ATG14: variants seen among roughly 807,000 people sequenced by gnomAD.
ATG14 encodes beclin 1-associated autophagy-related key regulator.
In ATG14, 35 loss-of-function variants were observed where a neutral mutation model predicts 60.4. That is an observed-to-expected ratio of 0.58 (90% CI 0.44 to 0.77). The LOEUF is 0.77. Ranked by LOEUF, ATG14 falls within the 30% of genes least tolerant of loss-of-function variation. The pLI is 0.00. For synonymous variants in ATG14, 234 were observed against 228.8 expected (o/e 1.02, Z -0.21); for missense variants, 647 against 626.3 (o/e 1.03, Z -0.35).
intron 1 of ATG14, among the ~76,000 whole-genome samples, chr14:55,408,284 C>T (rs1172657677): frequency 6.6e-6 from 1 of 152,020 alleles, no homozygotes; most frequent in Non-Finnish European, 1.5e-5. Flanking sequence ...AAAACCCTGT[C>T]TTTACAAAAA....
intron 7 of ATG14, among the ~76,000 whole-genome samples, chr14:55,379,372 AC>A (rs1884985355): frequency 1.3e-5 from 2 of 151,662 alleles, no homozygotes. Context: ...CCTGTCTCAT[AC>A]AAAAAAATAC....
At position 55,369,914 on chromosome 14, in the gene ATG14, A is replaced by G. The variant is rs1462507222; in HGVS notation, c.1184T>C (p.Phe395Ser). ...SSEHLGRSGP[F>S]EVRADLEESM... is the part of the protein sequence containing the mutation. ...CTCCTCAAGGTCTGCTCGTACTTCA[A>G]AGGGCCCTGACCTGTGTGCAGACAA... The change falls in exon 10 of 10, where the codon TTT becomes TCT. Residue 395 changes from phenylalanine (F) to serine (S), a missense_variant. Phe to Ser is a radical substitution (Grantham distance 155, BLOSUM62 -2). Transcript: ENST00000247178. 6.2e-7 allele frequency: 1 copy of G among 1,610,422 alleles called. No homozygotes were observed. The highest frequency in any genetic ancestry group is 1.3e-5 in the African/African-American group (1 of 74,776).
chr14:55,373,257 G>T lies in ATG14; in HGVS notation c.1173-3332C>A, dbSNP rs73279100. On this transcript the variant is annotated intron_variant, in intron 9 of 9. Coordinates refer to ENST00000247178, the MANE Select transcript of ATG14 (RefSeq NM_014924.5). The stretch of plus-strand genomic sequence containing the variant: ...GAACCAGGAATACTCATTTTCTCAT[G>T]GTGCTGCAGGGAGGTATTCTACCAA... Among the ~76,000 whole-genome samples, 1,404 of 152,198 alleles carry T rather than the reference G, an allele frequency of 9.2e-3. 31 individuals carry two copies. Among genetic ancestry groups the T allele is most frequent in the African/African-American group, 0.033 (1,355 of 41,510 alleles).
intron 1 of ATG14, among the ~76,000 whole-genome samples, chr14:55,408,134 A>C (rs1218212346): frequency 1.3e-5 from 2 of 152,176 alleles, no homozygotes; most frequent in African/African-American, 4.8e-5. Flanking sequence ...TGCCATTTAC[A>C]AAATGAAATA....
intron 3 of ATG14, among the ~76,000 whole-genome samples, chr14:55,392,786 T>G (rs759419504): frequency 2.6e-5 from 4 of 152,058 alleles, no homozygotes; most frequent in Non-Finnish European, 5.9e-5. Flanking sequence ...CTAAGTAGTC[T>G]GATGGTAAGA....
intron 1 of ATG14, among the ~76,000 whole-genome samples, chr14:55,402,885 C>T (rs1885419236): frequency 1.5e-5 from 1 of 64,720 alleles, no homozygotes; most frequent in South Asian, 6.9e-4. Flanking sequence ...AGTAAGACTC[C>T]ATCTCTACAA....
chr14:55,380,690 T>A lies in ATG14; in HGVS notation c.878A>T (p.Asp293Val). Residue 293 changes from aspartate to valine, a missense_variant and splice_region_variant, in exon 7 of 10, where the codon GAC becomes GTC. Transcript: ENST00000247178. ...GTAGGCAGGGTTACTCTGCTCCATG[T>A]CTGCAGTAAGAAAACAACCACCATG... ...VEEKKTTQGP[D>V]MEQSNPAYTI... 1 of 1,591,234 alleles carries A rather than the reference T, an allele frequency of 6.3e-7. No homozygotes were observed. Among genetic ancestry groups the A allele is most frequent in the African/African-American group, 1.3e-5 (1 of 74,242 alleles).
At chr14:55,409,083 T>A (rs1460439593) in intron 1 of ATG14, among the ~76,000 whole-genome samples, 3 of 152,184 alleles carry the variant, frequency 2.0e-5, no homozygotes, top group South Asian at 2.1e-4. Flanking sequence ...GGGAGATCAC[T>A]ACGTAGTCAG....
Position 55,378,058 on chromosome 14 carries a change from T to A in ATG14, c.1012A>T (p.Asn338Tyr). 6.2e-7 allele frequency: 1 copy of A among 1,612,966 alleles called. No individual in the cohort carries two copies. The highest frequency in any genetic ancestry group is 8.5e-7 in the Non-Finnish European group (1 of 1,179,244). Residue 338 changes from asparagine (N) to tyrosine (Y), a missense_variant, in exon 8 of 10, where the codon AAT (asparagine) becomes TAT (tyrosine). Physicochemically the swap from Asn to Tyr is moderately radical, Grantham distance 143. Coordinates refer to ENST00000247178, the MANE Select transcript of ATG14 (RefSeq NM_014924.5). Reference protein sequence around the residue: ...KLCNSEFCGENLSKQKFTRAV... With the variant: ...KLCNSEFCGEYLSKQKFTRAV... ...CGAGTAAATTTCTGCTTGCTTAGAT[T>A]TTCGCCACAAAATTCACTGTAAAAC...
intron 3 of ATG14, chr14:55,391,301 C>CCATCTCTA: frequency 5.3e-6 from 1 of 188,106 alleles, no homozygotes; most frequent in South Asian, 1.0e-4. Flanking sequence ...TGGTGAAACC[C>CCATCTCTA]CATCTCTACT....
chr14:55,409,204 A>G (rs757807814), intron 1 of ATG14, among the ~76,000 whole-genome samples: 13 of 152,238 alleles, frequency 8.5e-5, no homozygotes, highest in Non-Finnish European at 1.9e-4. Context: ...AGAGAAAAAG[A>G]AAAGTATAGG....
At chr14:55,375,786 G>C (rs1159190894) in intron 9 of ATG14, among the ~76,000 whole-genome samples, 1 of 152,068 alleles carries the variant, frequency 6.6e-6, no homozygotes, top group African/African-American at 2.4e-5. Flanking sequence ...GCCTTGGCAA[G>C]GCCTTCAGAG....
At chr14:55,388,490 A>G (rs779998695) in intron 4 of ATG14, among the ~76,000 whole-genome samples, 25 of 152,218 alleles carry the variant, frequency 1.6e-4, no homozygotes, top group Non-Finnish European at 2.4e-4. Flanking sequence ...GCTTCTTTAG[A>G]TAAGTAACTC....
At chr14:55,396,863 C>A (rs983210896) in intron 2 of ATG14, among the ~76,000 whole-genome samples, 4 of 152,092 alleles carry the variant, frequency 2.6e-5, no homozygotes, top group Admixed American at 6.5e-5. Flanking sequence ...ACAAAAAAAA[C>A]AAACCTCAGA....
At chr14:55,397,583 A>T (rs1034128709) in intron 1 of ATG14, 149 bp from the exon 2 acceptor site, 2 of 654,758 alleles carry the variant, frequency 3.1e-6, no homozygotes. Context: ...AACGGGGTGC[A>T]CACAACTGCT....
chr14:55,369,744 C>T lies in ATG14; in HGVS notation c.1354G>A (p.Glu452Lys), dbSNP rs1594774390. 1.2e-6 allele frequency: 2 copies of T among 1,614,012 alleles called. No individual in the cohort carries two copies. Among genetic ancestry groups the T allele is most frequent in the African/African-American group, 1.3e-5 (1 of 75,044 alleles). The stretch of plus-strand genomic sequence containing the variant: ...TGGGTGCTCTGACTCTGGGAGACTT[C>T]CACAGACTGGGAAGGGATATCACAA... ...RFCDIPSQSV[E>K]VSQSQSTQAS... The change falls in exon 10 of 10, where the codon GAA becomes AAA. Residue 452 changes from glutamate (E) to lysine (K), a missense_variant. Coordinates refer to ENST00000247178, the MANE Select transcript of ATG14 (RefSeq NM_014924.5).
At position 55,408,590 on chromosome 14, in the gene ATG14, G is replaced by A. The variant is rs142409372; in HGVS notation, c.221+3012C>T. On this transcript the variant is annotated intron_variant, in intron 1 of 9. Coordinates refer to ENST00000247178, the MANE Select transcript of ATG14 (RefSeq NM_014924.5). ...GTTCGAGATCAGCCTGGACAAGATA[G>A]GGAGACCCTGTCTCTACAAAAAATT... Among the ~76,000 whole-genome samples the A allele has an allele frequency of 6.0e-4, 91 of 152,224 alleles. 2 individuals carry two copies. The East Asian group carries it at 0.015, about 25-fold the overall frequency.
Position 55,369,546 on chromosome 14 carries a change from G to T in ATG14, c.*73C>A. ...TCCAGACACTATCTTAACTTAAACAGAAAATGTTTACTAGAGTGTAGTGGG... is the reference window on the plus strand; with the variant it reads ...TCCAGACACTATCTTAACTTAAACATAAAATGTTTACTAGAGTGTAGTGGG... On this transcript the variant is annotated 3_prime_UTR_variant, in exon 10 of 10. Coordinates refer to ENST00000247178, the MANE Select transcript of ATG14 (RefSeq NM_014924.5). 1 of 1,319,720 alleles carries T rather than the reference G, an allele frequency of 7.6e-7. No homozygotes were observed. The highest frequency in any genetic ancestry group is 1.0e-6 in the Non-Finnish European group (1 of 985,316). The allele number at this position is 1,319,720 out of a possible 1,614,324, so 81.8% of individuals were successfully genotyped here.
At chr14:55,395,754 T>A (rs1317696276) in intron 3 of ATG14, among the ~76,000 whole-genome samples, 186 bp downstream of exon 3, 2 of 152,244 alleles carry the variant, frequency 1.3e-5, no homozygotes, top group African/African-American at 4.8e-5. Flanking sequence ...AATGGCTCCA[T>A]AATTAATTGC....
Sources: gnomAD v4.1 joint callset for allele counts (sites outside exome capture counted in the v4.1 genomes callset) on GRCh38, gnomAD v4.1.1 for gene constraint, MANE v1.5 for transcripts, NCBI Gene and HGNC (gene_info 2026-07-23, HGNC 2026-07-21) for gene names.